Variants in MYO9A observed in about 807,000 individuals in gnomAD.
The protein encoded by MYO9A is unconventional myosin-IXa.
In MYO9A, 103 loss-of-function variants were observed where a neutral mutation model predicts 293.3. The observed-to-expected ratio is 0.35, with a 90% confidence interval of 0.30 to 0.41. The LOEUF is 0.41. MYO9A is among the 10% of genes least tolerant of loss of function. The pLI is 1.00. For synonymous variants in MYO9A, 1,001 were observed against 1,035.7 expected (o/e 0.97, Z 0.64); for missense variants, 2,685 against 3,033.0 (o/e 0.89, Z 2.69).
At chr15:71,956,112 C>T (rs538190718) in intron 14 of MYO9A, among the ~76,000 whole-genome samples, 55 of 149,900 alleles carry the variant, frequency 3.7e-4, no homozygotes, top group Non-Finnish European at 7.0e-4. Flanking sequence ...CAAGACCAGC[C>T]TGGGTAATAC....
chr15:71,956,330 A>AAAAAATATATATATATATATATAT (rs10642655), intron 14 of MYO9A, among the ~76,000 whole-genome samples: 1 of 75,578 alleles, frequency 1.3e-5, no homozygotes, highest in African/African-American at 6.0e-5. Flanking sequence ...AAAAAAAAAA[A>AAAAAATATATATATATATATATAT]ATATATATAT....
At chr15:71,976,903 C>T (rs1275162517) in intron 12 of MYO9A, among the ~76,000 whole-genome samples, 2 of 152,180 alleles carry the variant, frequency 1.3e-5, no homozygotes, top group African/African-American at 4.8e-5. Flanking sequence ...ATCCTCAATA[C>T]TTTCTATCTT....
intron 1 of MYO9A, among the ~76,000 whole-genome samples, chr15:72,099,549 C>A (rs1307353529): frequency 1.3e-5 from 2 of 151,700 alleles, no homozygotes; most frequent in Non-Finnish European, 2.9e-5. Context: ...CTGCAGCCAG[C>A]CGTGGTCACA....
chr15:72,037,842 A>G (rs2078103500), intron 2 of MYO9A, among the ~76,000 whole-genome samples: 1 of 152,176 alleles, frequency 6.6e-6, no homozygotes. Flanking sequence ...GGAAAATGAA[A>G]AATAGCACTA....
intron 10 of MYO9A, among the ~76,000 whole-genome samples, chr15:71,992,964 A>C (rs1328633917): frequency 6.6e-6 from 1 of 152,124 alleles, no homozygotes; most frequent in African/African-American, 2.4e-5. Context: ...AAGATGGTAT[A>C]AATAAATCTA....
chr15:72,030,902 C>T (rs945683090), intron 3 of MYO9A, among the ~76,000 whole-genome samples: 2 of 152,178 alleles, frequency 1.3e-5, no homozygotes, highest in African/African-American at 4.8e-5. Flanking sequence ...ACCCCCAGGG[C>T]ATGGACTCGT....
chr15:71,898,233 G>C lies in MYO9A; in HGVS notation c.4270C>G (p.Pro1424Ala). ...SNSLPTFFYI[P>A]QQDPLKTNSQ... The stretch of plus-strand genomic sequence containing the variant: ...TTTGTTTTCAGTGGGTCTTGTTGGG[G>C]GATATAAAAAAAAGTAGGTAGACTA... Residue 1424 changes from proline to alanine, a missense_variant, in exon 25 of 42, where the codon CCC becomes GCC. Transcript: ENST00000356056. 6 of 1,613,808 alleles carry C rather than the reference G, an allele frequency of 3.7e-6. No individual in the cohort carries two copies. Among genetic ancestry groups the C allele is most frequent in the Non-Finnish European group, 5.1e-6 (6 of 1,179,946 alleles).
At chr15:71,948,530 A>G (rs1369243166) in intron 15 of MYO9A, among the ~76,000 whole-genome samples, 1 of 152,150 alleles carries the variant, frequency 6.6e-6, no homozygotes, top group Non-Finnish European at 1.5e-5. Context: ...AAACTCATTT[A>G]TTTATGTATT....
chr15:72,106,597 G>C (rs1237210847), intron 1 of MYO9A, among the ~76,000 whole-genome samples: 1 of 151,974 alleles, frequency 6.6e-6, no homozygotes. Flanking sequence ...TAAAATCAAG[G>C]GTTTTTTTTT....
intron 6 of MYO9A, among the ~76,000 whole-genome samples, chr15:72,013,407 C>A (rs527471945): frequency 7.2e-5 from 11 of 152,246 alleles, no homozygotes; most frequent in Non-Finnish European, 7.4e-5. Context: ...AGCCTTCAGG[C>A]CCCAGGATCC....
chr15:71,825,028 G>C lies in MYO9A; in HGVS notation c.*1552C>G, dbSNP rs1322969752. The C allele has an allele frequency of 6.6e-6, 1 of 152,232 alleles. No individual in the cohort carries two copies. The highest frequency in any genetic ancestry group is 1.5e-5 in the Non-Finnish European group (1 of 68,042). The allele number at this position is 152,232 out of a possible 1,614,324, so 9.4% of individuals were successfully genotyped here. ...TATAGATGGTAAAGGCTCTTTTTCA[G>C]AGCAGTGCATGTAGTAGCAAGACAA... On this transcript the variant is annotated 3_prime_UTR_variant, in exon 42 of 42. Coordinates refer to ENST00000356056, the MANE Select transcript of MYO9A (RefSeq NM_006901.4).
At chr15:71,972,787 C>A (rs2076046053) in intron 12 of MYO9A, among the ~76,000 whole-genome samples, 1 of 152,046 alleles carries the variant, frequency 6.6e-6, no homozygotes, top group South Asian at 2.1e-4. Flanking sequence ...AGATGAGAAA[C>A]CTTTGTTCTG....
intron 2 of MYO9A, among the ~76,000 whole-genome samples, chr15:72,044,749 C>A (rs1888917672): frequency 6.6e-6 from 1 of 152,230 alleles, no homozygotes; most frequent in Admixed American, 6.5e-5. Context: ...CTAGGCACAG[C>A]TGTTAAGCTT....
intron 1 of MYO9A, among the ~76,000 whole-genome samples, chr15:72,075,575 G>T (rs1018379072): frequency 2.0e-5 from 3 of 151,894 alleles, no homozygotes; most frequent in Non-Finnish European, 4.4e-5. Context: ...CTTAATAACA[G>T]ATGAGACACA....
intron 32 of MYO9A, among the ~76,000 whole-genome samples, chr15:71,875,547 AAAT>A (rs1282071779): frequency 6.6e-6 from 1 of 152,194 alleles, no homozygotes; most frequent in Non-Finnish European, 1.5e-5. Flanking sequence ...TTCTGAAAAG[AAAT>A]AATATTTTTT....
intron 3 of MYO9A, among the ~76,000 whole-genome samples, chr15:72,031,205 C>G (rs1596422456): frequency 6.6e-6 from 1 of 152,246 alleles, no homozygotes; most frequent in East Asian, 1.9e-4. Flanking sequence ...GGTTGGGGAC[C>G]ACTGCAGTAA....
chr15:71,983,507 C>T (rs554404874), intron 11 of MYO9A, among the ~76,000 whole-genome samples: 2 of 107,190 alleles, frequency 1.9e-5, no homozygotes, highest in African/African-American at 7.6e-5. Context: ...GATGGAGTCT[C>T]GCTCTGTCAC....
In MYO9A at chr15:71,898,681, A is replaced by G. The variant is rs2057400724; in HGVS notation, c.3822T>C (p.Ser1274=). ...CTTGCTCTAGTTCTCTCATTCTCCT[A>G]CTTTCTCTCTTAGCCCGGCCTACTT... is the stretch of plus-strand genomic sequence containing the variant. ...QKKVGRAKRE[S]RRMRELEQAI... The change falls in exon 25 of 42, where the codon AGT becomes AGC. Residue 1274 remains serine (S), a synonymous_variant. Coordinates refer to ENST00000356056, the MANE Select transcript of MYO9A (RefSeq NM_006901.4). The G allele has an allele frequency of 6.2e-7, 1 of 1,613,738 alleles. No homozygotes were observed. Among genetic ancestry groups the G allele is most frequent in the Non-Finnish European group, 8.5e-7 (1 of 1,179,998 alleles).
chr15:71,842,915 A>ATG (rs55982936), intron 39 of MYO9A, among the ~76,000 whole-genome samples: 31,552 of 148,848 alleles, frequency 0.21, 3,509 homozygotes, highest in East Asian at 0.42. Context: ...TTGTGTATGC[A>ATG]TGTGTGTGTG....
Sources: allele counts gnomAD v4.1 joint callset (sites outside exome capture counted in the v4.1 genomes callset), GRCh38; gene constraint gnomAD v4.1.1; transcripts MANE v1.5; gene names NCBI Gene and HGNC (gene_info 2026-07-23, HGNC 2026-07-21).